Variants in TNRC6B observed in about 807,000 individuals in gnomAD.
TNRC6B encodes trinucleotide repeat containing adaptor 6B, also known as trinucleotide repeat-containing gene 6B protein.
TNRC6B carries 52 observed loss-of-function variants against 203.6 expected under a neutral mutation model. The observed-to-expected ratio is 0.26, with a 90% confidence interval of 0.20 to 0.32. The LOEUF (loss-of-function observed/expected upper bound fraction) is 0.32, where lower values mean the gene tolerates loss of function less well. Ranked by LOEUF, TNRC6B falls within the 10% of genes least tolerant of loss-of-function variation. TNRC6B has a pLI of 1.00. For synonymous variants in TNRC6B, 838 were observed against 845.7 expected, an observed-to-expected ratio of 0.99 and a Z score of 0.16; for missense variants, 1,923 against 2,286.2, an observed-to-expected ratio of 0.84 and a Z score of 3.24.
intron 1 of TNRC6B, among the ~76,000 whole-genome samples, chr22:40,200,977 T>C (rs955389951): frequency 4.6e-5 from 7 of 152,158 alleles, no homozygotes; most frequent in African/African-American, 1.7e-4. Flanking sequence ...TGCCTCCGCC[T>C]CCTTATCTGC....
At chr22:40,302,549 C>G (rs1452469212) in intron 15 of TNRC6B, among the ~76,000 whole-genome samples, 1 of 151,474 alleles carries the variant, frequency 6.6e-6, no homozygotes. Context: ...AGGAGAATCA[C>G]TTGAACCCGG....
At chr22:40,137,471 C>T (rs897637386) in intron 3 of TNRC6B, among the ~76,000 whole-genome samples, 1 of 152,154 alleles carries the variant, frequency 6.6e-6, no homozygotes, top group Non-Finnish European at 1.5e-5. Flanking sequence ...GTTTATAGAA[C>T]TATAGACTTC....
At chr22:40,132,724 A>G (rs2068558673) in intron 3 of TNRC6B, among the ~76,000 whole-genome samples, 1 of 150,166 alleles carries the variant, frequency 6.7e-6, no homozygotes, top group Non-Finnish European at 1.5e-5. Context: ...CGGGTGGATC[A>G]CGAGGTCAGG....
At position 40,266,747 on chromosome 22, in the gene TNRC6B, G is replaced by A. The variant is rs373711092; in HGVS notation, c.2517G>A (p.Ser839=). ...PPPPQPEASG[S]WGGPPPPPPG... ...CACCACAACCAGAGGCTTCTGGTTC[G>A]TGGGGAGGCCCACCCCCACCACCTC... Residue 839 remains serine, a synonymous_variant, in exon 5 of 23, where the codon TCG becomes TCA. Coordinates refer to ENST00000454349, the MANE Select transcript of TNRC6B (RefSeq NM_001162501.2). The A allele has an allele frequency of 4.6e-5, 74 of 1,613,860 alleles. No individual in the cohort carries two copies. The highest frequency in any genetic ancestry group is 2.0e-4 in the Admixed American group (12 of 60,002).
chr22:40,303,128 C>G (rs1482302778), intron 15 of TNRC6B, among the ~76,000 whole-genome samples: 1 of 144,880 alleles, frequency 6.9e-6, no homozygotes, highest in African/African-American at 2.6e-5. Context: ...CTCCCAGGTT[C>G]AAGCGATTCT....
rs57206167 is a variant in TNRC6B, at chr22:40,154,840, CAAAAAAAAAA to C, written c.46-1263_46-1254del. ...TGGGCAACAGAGCAAGACTCTATCT[CAAAAAAAAAA>C]AAAAAAAAAAATATATATATATATA... On this transcript the variant is annotated intron_variant, in intron 3 of 23. Coordinates refer to the TNRC6B transcript ENST00000301923. Among the ~76,000 whole-genome samples the C allele has an allele frequency of 3.3e-3, 95 of 29,230 alleles. 1 individual carries two copies. The highest frequency in any genetic ancestry group is 4.6e-3 in the Non-Finnish European group (82 of 18,014). 19.2% of individuals were successfully genotyped at this position (29,230 alleles called of 152,430 possible).
At chr22:40,276,114 G>A (rs1428855868) in intron 7 of TNRC6B, among the ~76,000 whole-genome samples, 1 of 152,052 alleles carries the variant, frequency 6.6e-6, no homozygotes, top group Non-Finnish European at 1.5e-5. Context: ...TTGGGAGACC[G>A]AGGCAAGCGG....
chr22:40,124,225 A>T (rs1027142181), intron 2 of TNRC6B, among the ~76,000 whole-genome samples: 17 of 152,110 alleles, frequency 1.1e-4, no homozygotes, highest in African/African-American at 4.1e-4. Context: ...TTGGCTGGTT[A>T]TAGAGAAGCC....
At chr22:40,281,355 T>C (rs2070719174) in intron 11 of TNRC6B, 66 bp downstream of exon 11, 2 of 1,312,016 alleles carry the variant, frequency 1.5e-6, no homozygotes, top group South Asian at 1.7e-5. Flanking sequence ...GTCTGCAGTT[T>C]ATTGCATCAT....
At position 40,246,012 on chromosome 22, in the gene TNRC6B, TAGAG is replaced by T. The variant is rs1289066891; in HGVS notation, c.7_10del (p.Glu3ArgfsTer9). The T allele has an allele frequency of 4.5e-6, 7 of 1,541,874 alleles. No individual in the cohort carries two copies. Among genetic ancestry groups the T allele is most frequent in the East Asian group, 2.5e-5 (1 of 40,788 alleles). On this transcript the variant is annotated splice_acceptor_variant and coding_sequence_variant, in exon 2 of 23. Coordinates refer to ENST00000454349, the MANE Select transcript of TNRC6B (RefSeq NM_001162501.2). LOFTEE classifies it high-confidence loss of function. ...ACCTTCTGTTATGATGTTACTTTAATAGAGAGAAGGAGCAAGAAAGGGAAGAACA... is the reference window on the plus strand; with the variant it reads ...ACCTTCTGTTATGATGTTACTTTAATAGAAGGAGCAAGAAAGGGAAGAACA...
intron 5 of TNRC6B, 89 bp downstream of exon 5, chr22:40,267,125 T>C: frequency 7.3e-7 from 1 of 1,362,476 alleles, no homozygotes; most frequent in South Asian, 1.6e-5. Flanking sequence ...TTCAACTTAG[T>C]TTTGTTCTGA....
intron 1 of TNRC6B, among the ~76,000 whole-genome samples, chr22:40,059,916 A>G (rs1026833692): frequency 7.0e-6 from 1 of 143,286 alleles, no homozygotes; most frequent in South Asian, 2.2e-4. Flanking sequence ...TCCGCCTCCC[A>G]GGTTCAAGCG....
In TNRC6B at chr22:40,266,033, G is replaced by C; in HGVS notation, c.1803G>C (p.Gln601His). ...RSYRPTHPDC[Q>H]AVLQTLLSRT... is the part of the protein sequence containing the mutation. ...ACAGGCCCACACATCCTGATTGTCA[G>C]GCTGTCTTGCAGACTCTTTTGAGCC... The change falls in exon 5 of 23, where the codon CAG becomes CAC. Residue 601 changes from glutamine (Q) to histidine (H), a missense_variant. Coordinates refer to ENST00000454349, the MANE Select transcript of TNRC6B (RefSeq NM_001162501.2). 1 of 1,613,754 alleles carries C rather than the reference G, an allele frequency of 6.2e-7. No individual in the cohort carries two copies. The highest frequency in any genetic ancestry group is 8.5e-7 in the Non-Finnish European group (1 of 1,179,904).
intron 21 of TNRC6B, among the ~76,000 whole-genome samples, 198 bp downstream of exon 21, chr22:40,316,210 T>C (rs1176595770): frequency 6.6e-6 from 1 of 151,804 alleles, no homozygotes; most frequent in Non-Finnish European, 1.5e-5. Context: ...AAAAATTAGC[T>C]GAGCATGGTG....
At chr22:40,053,051 T>A (rs2067763500) in intron 1 of TNRC6B, among the ~76,000 whole-genome samples, 1 of 152,012 alleles carries the variant, frequency 6.6e-6, no homozygotes, top group South Asian at 2.1e-4. Flanking sequence ...CCTCTGAATG[T>A]CGATTTGTGC....
intron 17 of TNRC6B, 50 bp from the exon 18 acceptor site, chr22:40,312,455 A>AT (rs746610541): frequency 3.2e-3 from 4,500 of 1,412,714 alleles, no homozygotes; most frequent in African/African-American, 5.5e-3. Context: ...GTACTATATC[A>AT]TTTTTTTTTA....
intron 3 of TNRC6B, among the ~76,000 whole-genome samples, chr22:40,137,145 G>T (rs1344977988): frequency 6.6e-6 from 1 of 152,164 alleles, no homozygotes; most frequent in Non-Finnish European, 1.5e-5. Context: ...AGAGAAAAAA[G>T]ATTTACCCAT....
chr22:40,053,977 G>A (rs2067771860), intron 1 of TNRC6B, among the ~76,000 whole-genome samples: 1 of 152,182 alleles, frequency 6.6e-6, no homozygotes, highest in Non-Finnish European at 1.5e-5. Flanking sequence ...AGCACTTTGG[G>A]AAGCTGAGGT....
chr22:40,333,342 CATAAA>C lies in TNRC6B; in HGVS notation c.*10107_*10111del, dbSNP rs1239423699. ...ACAGAGCAAGACTTCGACTCAAAAA[CATAAA>C]ATAAACAAAAGACACACACACACAC... is the stretch of plus-strand genomic sequence containing the variant. On this transcript the variant is annotated 3_prime_UTR_variant, in exon 23 of 23. Coordinates refer to ENST00000454349, the MANE Select transcript of TNRC6B (RefSeq NM_001162501.2). 5 of 152,548 alleles carry C rather than the reference CATAAA, an allele frequency of 3.3e-5. No individual in the cohort carries two copies. The highest frequency in any genetic ancestry group is 1.9e-4 in the East Asian group (1 of 5,200). The allele number at this position is 152,548 out of a possible 1,614,324, so 9.4% of individuals were successfully genotyped here.
Sources: gnomAD v4.1 joint callset for allele counts (sites outside exome capture counted in the v4.1 genomes callset) on GRCh38, gnomAD v4.1.1 for gene constraint, MANE v1.5 for transcripts, NCBI Gene and HGNC (gene_info 2026-07-23, HGNC 2026-07-21) for gene names.